SLC25A10: variants seen among roughly 807,000 people sequenced by gnomAD.
SLC25A10 encodes the protein mitochondrial dicarboxylate carrier.
In SLC25A10, 32 loss-of-function variants were observed where a neutral mutation model predicts 40.4. The ratio of observed to expected loss-of-function variants is 0.79; its 90% CI spans 0.60 to 1.06. The LOEUF is 1.06. Among genes scored for constraint, SLC25A10 ranks in the 50% least tolerant of loss-of-function variants. The pLI is 0.00. For missense variants in SLC25A10, 394 were observed against 402.6 expected (o/e 0.98, Z 0.18); for synonymous variants, 181 against 171.1 (o/e 1.06, Z -0.45).
At chr17:81,712,816 G>C (rs1019796763) in intron 1 of SLC25A10, among the ~76,000 whole-genome samples, 2 of 152,252 alleles carry the variant, frequency 1.3e-5, no homozygotes, top group Non-Finnish European at 2.9e-5. Context: ...GGTGACCTTG[G>C]GGGAGTCACT....
chr17:81,717,219 G>A (rs1438371103), intron 7 of SLC25A10, 147 bp downstream of exon 7: 5 of 1,064,900 alleles, frequency 4.7e-6, no homozygotes, highest in Non-Finnish European at 7.0e-6. Flanking sequence ...GGGGGGCACG[G>A]GTGGGTCAGG....
At chr17:81,719,695 T>TCACACC (rs141790614) in intron 9 of SLC25A10, 136 bp from the exon 10 acceptor site, 102 of 1,037,742 alleles carry the variant, frequency 9.8e-5, no homozygotes, top group Middle Eastern at 6.0e-4. Flanking sequence ...CAGCCGCCGC[T>TCACACC]CACACCCACA....
rs1310034143 is a variant in SLC25A10, at chr17:81,715,511, G to A, written c.247G>A (p.Glu83Lys). The A allele has an allele frequency of 1.1e-5, 18 of 1,612,832 alleles. No individual in the cohort carries two copies. Among genetic ancestry groups the A allele is most frequent in the East Asian group, 6.7e-5 (3 of 44,864 alleles). The change falls in exon 3 of 11, where the codon GAG becomes AAG. Residue 83 changes from glutamate to lysine, a missense_variant. Transcript: ENST00000350690. ...CTCCCTGACTCGGTTCGCCATCTAC[G>A]AGACTGTGCGGGACCGTGTGGCCAA... ...TYSLTRFAIYETVRDRVAKGS... is the reference protein window; with the variant it reads ...TYSLTRFAIYKTVRDRVAKGS...
At chr17:81,712,818 G>C (rs7207979) in intron 1 of SLC25A10, among the ~76,000 whole-genome samples, 40,014 of 152,208 alleles carry the variant, frequency 0.26, 5,841 homozygotes, top group African/African-American at 0.4. Context: ...TGACCTTGGG[G>C]GAGTCACTTG....
chr17:81,719,712 C>T (rs1316221561), intron 9 of SLC25A10, 119 bp from the exon 10 acceptor site: 2 of 1,239,024 alleles, frequency 1.6e-6, no homozygotes, highest in Non-Finnish European at 2.3e-6. Context: ...CACACCCACA[C>T]CCACACCCCA....
At chr17:81,713,188 C>T (rs575143623) in intron 1 of SLC25A10, 2 of 151,922 alleles carry the variant, frequency 1.3e-5, no homozygotes, top group African/African-American at 4.8e-5. Flanking sequence ...GAGAAGCAGC[C>T]ACCGTTTTTT....
chr17:81,714,413 G>A (rs2037439638), intron 1 of SLC25A10, among the ~76,000 whole-genome samples: 2 of 152,214 alleles, frequency 1.3e-5, no homozygotes, highest in Non-Finnish European at 2.9e-5. Context: ...AGAGGAGGCC[G>A]CTATGCCCTG....
In SLC25A10 at chr17:81,720,118, A is replaced by G. The variant is rs1383098242; in HGVS notation, c.*41A>G. On this transcript the variant is annotated 3_prime_UTR_variant, in exon 11 of 11. Coordinates refer to ENST00000350690, the MANE Select transcript of SLC25A10 (RefSeq NM_012140.5). ...GCTGGGCTGCCAGGCCAGACACGCT[A>G]GGTTCTTCCAAAGAGTCCCAAGCCC... The G allele has an allele frequency of 5.6e-6, 9 of 1,608,014 alleles. No individual in the cohort carries two copies. The Admixed American group carries it at 1.5e-4, about 27-fold the overall frequency.
intron 6 of SLC25A10, 35 bp from the exon 7 acceptor site, chr17:81,716,967 T>TGCGTCACCCCTG (rs2037500150): frequency 1.3e-6 from 2 of 1,592,444 alleles, no homozygotes; most frequent in Non-Finnish European, 1.7e-6. Context: ...CCTCACCCCT[T>TGCGTCACCCCTG]GCCTCACCCC....
At chr17:81,714,911 C>T (rs1476521857) in intron 1 of SLC25A10, 42 bp from the exon 2 acceptor site, 3 of 1,598,558 alleles carry the variant, frequency 1.9e-6, no homozygotes, top group African/African-American at 2.7e-5. Context: ...GGCACCGATC[C>T]CTCGGGGTCG....
In SLC25A10 at chr17:81,712,469, C is replaced by A; in HGVS notation, c.43C>A (p.Leu15Met). 3 of 1,307,068 alleles carry A rather than the reference C, an allele frequency of 2.3e-6. No individual in the cohort carries two copies. The highest frequency in any genetic ancestry group is 3.1e-5 in the East Asian group (1 of 32,222). The allele number at this position is 1,307,068 out of a possible 1,614,324, so 81.0% of individuals were successfully genotyped here. Residue 15 changes from leucine to methionine, a missense_variant, in exon 1 of 11, where the codon CTG (leucine) becomes ATG (methionine). Coordinates refer to ENST00000350690, the MANE Select transcript of SLC25A10 (RefSeq NM_012140.5). Reference protein sequence around the residue: ...ARVSRWYFGGLASCGAACCTH... With the variant: ...ARVSRWYFGGMASCGAACCTH... Reference sequence around the variant, plus strand: ...CGTGTCGCGCTGGTACTTCGGGGGGCTGGCCTCCTGCGGGGCCGCCTGCTG... The same window carrying A: ...CGTGTCGCGCTGGTACTTCGGGGGGATGGCCTCCTGCGGGGCCGCCTGCTG...
chr17:81,720,841 T>G lies in SLC25A10; in HGVS notation c.*764T>G, dbSNP rs562742020. 1.7e-4 allele frequency: 37 copies of G among 212,376 alleles called. No individual in the cohort carries two copies. The Middle Eastern group carries it at 9.2e-3, about 53-fold the overall frequency. The allele number at this position is 212,376 out of a possible 1,614,324, so 13.2% of individuals were successfully genotyped here. A position where few individuals can be genotyped will look rare whatever the true frequency, so the allele number is the denominator to read the frequency against. ...ACCTGGGCCCCCCCGCTTGGCTCCCTGGGGGAATGGCCCAGGCGGGCCGCG... is the reference window on the plus strand; with the variant it reads ...ACCTGGGCCCCCCCGCTTGGCTCCCGGGGGGAATGGCCCAGGCGGGCCGCG... On this transcript the variant is annotated 3_prime_UTR_variant, in exon 11 of 11. Transcript: ENST00000350690.
chr17:81,715,037 C>T lies in SLC25A10; in HGVS notation c.178C>T (p.Leu60Phe). Reference protein sequence around the residue: ...RVVRTDGILALYSGLSASLCR... With the variant: ...RVVRTDGILAFYSGLSASLCR... ...GGTGCGTACCGACGGCATCCTGGCA[C>T]TCTACAGCGGCCTGAGCGCCTCGCT... The change falls in exon 2 of 11, where the codon CTC becomes TTC. Residue 60 changes from leucine (L) to phenylalanine (F), a missense_variant. By Grantham distance (22) the Leu-to-Phe change is conservative (BLOSUM62 0). Transcript: ENST00000350690. 2 of 1,610,270 alleles carry T rather than the reference C, an allele frequency of 1.2e-6. No individual in the cohort carries two copies. Among genetic ancestry groups the T allele is most frequent in the Non-Finnish European group, 8.5e-7 (1 of 1,179,904 alleles).
intron 1 of SLC25A10, 36 bp from the exon 2 acceptor site, chr17:81,714,917 G>A (rs2037452361): frequency 6.2e-7 from 1 of 1,600,654 alleles, no homozygotes; most frequent in African/African-American, 1.3e-5. Flanking sequence ...GATCCCTCGG[G>A]GTCGCTGTGG....
chr17:81,717,186 G>GC (rs931410419), intron 7 of SLC25A10, 114 bp downstream of exon 7: 136 of 1,285,694 alleles, frequency 1.1e-4, no homozygotes, highest in Admixed American at 4.7e-4. Flanking sequence ...GGAGCCACCA[G>GC]CTGTGACCTT....
At position 81,715,712 on chromosome 17, in the gene SLC25A10, G is replaced by A. The variant is rs371875472; in HGVS notation, c.348G>A (p.Val116=). Residue 116 remains valine (V), a synonymous_variant, in exon 4 of 11, where the codon GTG becomes GTA. Transcript: ENST00000350690. ...GSVSGLAGGF[V]GTPADLVNVR... ...CCGCAGGTTTAGCTGGAGGCTTCGT[G>A]GGGACGCCCGCAGACTTGGTCAACG... 2 of 1,613,342 alleles carry A rather than the reference G, an allele frequency of 1.2e-6. No homozygotes were observed. The highest frequency in any genetic ancestry group is 1.7e-6 in the Non-Finnish European group (2 of 1,179,940).
At position 81,715,925 on chromosome 17, in the gene SLC25A10, G is replaced by T; in HGVS notation, c.378-84G>T. On this transcript the variant is annotated intron_variant, in intron 4 of 10. Transcript: ENST00000350690. ...CGTGCCCTGTCCTGTGGGCCCCGCT[G>T]ACCAGCGTGAGCTCCCCTGTGCTGC... 2.0e-6 allele frequency: 3 copies of T among 1,485,258 alleles called. No individual in the cohort carries two copies. The South Asian group carries it at 3.6e-5, about 18-fold the overall frequency. The allele number at this position is 1,485,258 out of a possible 1,614,324, so 92.0% of individuals were successfully genotyped here. A position where few individuals can be genotyped will look rare whatever the true frequency, so the allele number is the denominator to read the frequency against.
At chr17:81,718,540 A>G (rs899734879) in intron 9 of SLC25A10, among the ~76,000 whole-genome samples, 2 of 152,232 alleles carry the variant, frequency 1.3e-5, no homozygotes, top group African/African-American at 4.8e-5. Context: ...CTGTAGTTCC[A>G]GCTACACAGG....
chr17:81,719,295 T>C (rs990104993), intron 9 of SLC25A10, among the ~76,000 whole-genome samples: 5 of 151,480 alleles, frequency 3.3e-5, no homozygotes, highest in African/African-American at 1.2e-4. Context: ...CTTGAACTCC[T>C]GGCCTGAAGT....
Sources: gnomAD v4.1 joint callset for allele counts (sites outside exome capture counted in the v4.1 genomes callset) on GRCh38, gnomAD v4.1.1 for gene constraint, MANE v1.5 for transcripts, NCBI Gene and HGNC (gene_info 2026-07-23, HGNC 2026-07-21) for gene names.